ANKS1B: variants seen among roughly 807,000 people sequenced by gnomAD.
The protein encoded by ANKS1B is ankyrin repeat and sterile alpha motif domain containing 1B.
ANKS1B carries 36 observed loss-of-function variants against 148.3 expected under a neutral mutation model. The observed-to-expected ratio is 0.24, with a 90% confidence interval of 0.19 to 0.32. The LOEUF is 0.32. ANKS1B is among the 10% of genes least tolerant of loss of function. ANKS1B has a pLI of 1.00. For missense variants in ANKS1B, 1,157 were observed against 1,542.6 expected (o/e 0.75, Z 4.19); for synonymous variants, 542 against 560.8 (o/e 0.97, Z 0.47).
chr12:99,882,055 T>G (rs1278814722), intron 1 of ANKS1B, among the ~76,000 whole-genome samples: 2 of 152,140 alleles, frequency 1.3e-5, no homozygotes, highest in East Asian at 3.9e-4. Context: ...ATAGAAAGTT[T>G]CAGCAAGGAA....
chr12:99,223,001 T>G (rs148287407), intron 14 of ANKS1B, among the ~76,000 whole-genome samples: 106 of 152,378 alleles, frequency 7.0e-4, no homozygotes, highest in African/African-American at 2.5e-3. Flanking sequence ...TGTACACACA[T>G]ACATACACAT....
chr12:98,850,142 C>T (rs1039506769), intron 17 of ANKS1B, among the ~76,000 whole-genome samples: 2 of 152,072 alleles, frequency 1.3e-5, no homozygotes, highest in African/African-American at 4.8e-5. Flanking sequence ...AAACTCTTAT[C>T]TTCATTAAAT....
Position 99,099,057 on chromosome 12 carries a change from T to A in ANKS1B, c.2527-14034A>T, listed in dbSNP as rs139019786. ...GAGACCCTCTTCATTGGTCTCTCTA[T>A]CTTTAGTCCTGCCCAACCTCCCTTT... is the stretch of plus-strand genomic sequence containing the variant. On this transcript the variant is annotated intron_variant, in intron 15 of 26. Transcript: ENST00000683438. 2.1e-4 allele frequency among the ~76,000 whole-genome samples: 32 copies of A among 152,238 alleles called. No individual in the cohort carries two copies. The East Asian group carries it at 6.0e-3, about 29-fold the overall frequency.
chr12:99,191,090 G>GA (rs549046313), intron 14 of ANKS1B, among the ~76,000 whole-genome samples: 1 of 151,686 alleles, frequency 6.6e-6, no homozygotes, highest in Admixed American at 6.6e-5. Flanking sequence ...CAACAAACAT[G>GA]AAAAAAAGCT....
At chr12:99,542,940 A>G (rs2097140317) in intron 9 of ANKS1B, among the ~76,000 whole-genome samples, 1 of 152,144 alleles carries the variant, frequency 6.6e-6, no homozygotes, top group African/African-American at 2.4e-5. Context: ...ATGGTTTCTT[A>G]GATATAACAC....
intron 17 of ANKS1B, among the ~76,000 whole-genome samples, chr12:98,908,139 G>C (rs2099781964): frequency 6.6e-6 from 1 of 152,114 alleles, no homozygotes; most frequent in Non-Finnish European, 1.5e-5. Flanking sequence ...GTAATCTGTT[G>C]GGTAGTCACC....
chr12:99,593,422 A>G (rs1277893251), intron 9 of ANKS1B, among the ~76,000 whole-genome samples: 5 of 152,146 alleles, frequency 3.3e-5, no homozygotes, highest in African/African-American at 1.2e-4. Flanking sequence ...AAGCACAATA[A>G]TATAATTTAT....
intron 9 of ANKS1B, among the ~76,000 whole-genome samples, chr12:99,533,009 C>T (rs188112811): frequency 6.6e-6 from 1 of 152,180 alleles, no homozygotes; most frequent in African/African-American, 2.4e-5. Context: ...GCTAGTTAGG[C>T]TTTTTTGGTT....
intron 10 of ANKS1B, among the ~76,000 whole-genome samples, chr12:99,501,480 G>A (rs2096655185): frequency 6.6e-6 from 1 of 152,054 alleles, no homozygotes; most frequent in African/African-American, 2.4e-5. Context: ...ATTTTGTGTG[G>A]CAATCTGTGA....
At chr12:98,741,676 T>C (rs544695014), downstream of ANKS1B, among the ~76,000 whole-genome samples, 7 of 152,304 alleles carry the variant, frequency 4.6e-5, no homozygotes, top group East Asian at 1.2e-3. Flanking sequence ...TAAAATGGGA[T>C]TTCAGAATCC....
chr12:99,770,126 C>T (rs2153618749), intron 8 of ANKS1B, among the ~76,000 whole-genome samples: 1 of 152,326 alleles, frequency 6.6e-6, no homozygotes, highest in Admixed American at 6.5e-5. Flanking sequence ...CTCACTCTGC[C>T]ACTTGGCAGC....
chr12:99,640,222 AC>A (rs1011586655), intron 9 of ANKS1B, among the ~76,000 whole-genome samples: 60 of 152,030 alleles, frequency 3.9e-4, no homozygotes, highest in African/African-American at 1.4e-3. Flanking sequence ...TTAGACAAAA[AC>A]GATCATACAA....
intron 14 of ANKS1B, among the ~76,000 whole-genome samples, chr12:99,243,216 G>C (rs1566717716): frequency 6.6e-6 from 1 of 152,196 alleles, no homozygotes; most frequent in Non-Finnish European, 1.5e-5. Flanking sequence ...AGTGGGCAAA[G>C]GTTATGAACA....
intron 9 of ANKS1B, among the ~76,000 whole-genome samples, chr12:99,520,148 G>T (rs1479165210): frequency 1.3e-5 from 2 of 151,998 alleles, no homozygotes; most frequent in African/African-American, 4.8e-5. Context: ...TTTTCTGTGT[G>T]CTTATTATTG....
rs187644887 is a variant in ANKS1B at position 99,306,739 on chromosome 12, C to G, written c.1757-59875G>C. On this transcript the variant is annotated intron_variant, in intron 12 of 26. Transcript: ENST00000683438. The stretch of plus-strand genomic sequence containing the variant: ...TATGAGCACTTTGTTAAAGCTGCAT[C>G]TCTTTGCAAACCAGCTTGGTTAAAT... Among the ~76,000 whole-genome samples, 370 of 152,222 alleles carry G rather than the reference C, an allele frequency of 2.4e-3. 2 individuals carry two copies. Among genetic ancestry groups the G allele is most frequent in the African/African-American group, 8.5e-3 (354 of 41,538 alleles).
intron 14 of ANKS1B, among the ~76,000 whole-genome samples, chr12:99,202,259 A>C (rs1332253905): frequency 2.0e-5 from 3 of 152,194 alleles, no homozygotes; most frequent in African/African-American, 4.8e-5. Context: ...CAACAGGACA[A>C]ATGCATAATT....
chr12:98,967,011 A>C (rs2099878658), intron 17 of ANKS1B, among the ~76,000 whole-genome samples: 1 of 152,188 alleles, frequency 6.6e-6, no homozygotes, highest in East Asian at 1.9e-4. Context: ...CACGTTGTGC[A>C]CATGTACCCT....
chr12:99,300,668 G>A (rs1239610292), intron 12 of ANKS1B, among the ~76,000 whole-genome samples: 3 of 152,122 alleles, frequency 2.0e-5, no homozygotes, highest in Non-Finnish European at 4.4e-5. Context: ...AAAATGTTGT[G>A]TTCAAAATGC....
chr12:99,515,008 T>TTA (rs2096802124), intron 9 of ANKS1B, among the ~76,000 whole-genome samples: 1 of 144,314 alleles, frequency 6.9e-6, no homozygotes, highest in East Asian at 2.0e-4. Flanking sequence ...CTCTATCATT[T>TTA]AAAAAAAAAA....
Sources: allele counts gnomAD v4.1 joint callset (sites outside exome capture counted in the v4.1 genomes callset), GRCh38; gene constraint gnomAD v4.1.1; transcripts MANE v1.5; gene names NCBI Gene and HGNC (gene_info 2026-07-23, HGNC 2026-07-21).